Variants in KLF3 observed in about 807,000 individuals in gnomAD.
KLF3 encodes Krueppel-like factor 3.
A neutral mutation model predicts 32.7 loss-of-function variants in KLF3; 6 were observed. The observed-to-expected ratio is 0.18, with a 90% CI of 0.10 to 0.36. KLF3 has a LOEUF of 0.36. Among genes scored for constraint, KLF3 ranks in the 10% least tolerant of loss-of-function variants. The probability of loss-of-function intolerance (pLI) is 1.00; values close to 1 mark genes in which losing one functional copy is unlikely to be tolerated. For synonymous variants in KLF3, 145 were observed against 172.8 expected (o/e 0.84, Z 1.26); for missense variants, 338 against 449.7 (o/e 0.75, Z 2.25).
In KLF3 at chr4:38,689,710, T is replaced by C. The variant is rs1693615744; in HGVS notation, c.545-19T>C. The C allele has an allele frequency of 6.4e-7, 1 of 1,558,396 alleles. No homozygotes were observed. The highest frequency in any genetic ancestry group is 1.4e-5 in the African/African-American group (1 of 72,226). On this transcript the variant is annotated intron_variant, in intron 3 of 5. Transcript: ENST00000261438. ...TGGTAAACTGTACGTGAAGTGACTT[T>C]TCTATTTTTATTTTTTAGTACCTGT...
At chr4:38,693,145 T>TATATATATAC (rs1351793151) in intron 4 of KLF3, among the ~76,000 whole-genome samples, 3 of 143,760 alleles carry the variant, frequency 2.1e-5, no homozygotes, top group Admixed American at 7.1e-5. Flanking sequence ...TATATATGTG[T>TATATATATAC]ATATATATAC....
At chr4:38,693,148 A>G (rs1722935428) in intron 4 of KLF3, among the ~76,000 whole-genome samples, 1 of 145,232 alleles carries the variant, frequency 6.9e-6, no homozygotes, top group Non-Finnish European at 1.5e-5. Context: ...ATATGTGTAT[A>G]TATATACATA....
chr4:38,696,988 A>AT (rs1451851264), intron 5 of KLF3, 94 bp from the exon 6 acceptor site: 1 of 1,041,088 alleles, frequency 9.6e-7, no homozygotes, highest in East Asian at 2.5e-5. Flanking sequence ...ATGTATGAAC[A>AT]TATCTTGGAA....
Position 38,694,753 on chromosome 4 carries a change from C to G in KLF3, c.703C>G (p.Pro235Ala), listed in dbSNP as rs1722999973. 1 of 1,562,930 alleles carries G rather than the reference C, an allele frequency of 6.4e-7. No homozygotes were observed. Among genetic ancestry groups the G allele is most frequent in the Non-Finnish European group, 8.6e-7 (1 of 1,162,982 alleles). Residue 235 changes from proline to alanine, a missense_variant, in exon 5 of 6, where the codon CCT (proline) becomes GCT (alanine). By Grantham distance (27) the Pro-to-Ala change is conservative. This residue lies in a region of KLF3 where 272 missense variants were observed against 313.4 expected (regional missense o/e 0.87). Transcript: ENST00000261438. ...TAACCTTGGCTTTCACAGGAATCAC[C>G]CTTCGGTCATCGTGCAGCCTGGGAA... ...PPQALLQENHPSVIVQPGKRP... is the reference protein window; with the variant it reads ...PPQALLQENHASVIVQPGKRP...
intron 1 of KLF3, among the ~76,000 whole-genome samples, chr4:38,668,435 A>G (rs1291309687): frequency 6.6e-6 from 1 of 152,138 alleles, no homozygotes; most frequent in African/African-American, 2.4e-5. Context: ...AAAATTGATG[A>G]TAATGGTGCG....
At chr4:38,685,032 G>A (rs1025861514) in intron 2 of KLF3, among the ~76,000 whole-genome samples, 4 of 152,146 alleles carry the variant, frequency 2.6e-5, no homozygotes, top group African/African-American at 9.7e-5. Flanking sequence ...CACATTTTTT[G>A]CTTCATCAAC....
intron 2 of KLF3, 76 bp downstream of exon 2, chr4:38,680,758 C>A: frequency 1.6e-6 from 2 of 1,238,794 alleles, no homozygotes; most frequent in Non-Finnish European, 2.4e-6. Context: ...TGAATTATTC[C>A]TTGAAATCAT....
chr4:38,676,129 A>G (rs1722342673), intron 1 of KLF3, among the ~76,000 whole-genome samples: 2 of 152,196 alleles, frequency 1.3e-5, no homozygotes, highest in African/African-American at 4.8e-5. Flanking sequence ...TGTCTTTGTT[A>G]AAAGTTTTGA....
chr4:38,689,246 TC>T (rs35213592), intron 3 of KLF3, among the ~76,000 whole-genome samples, 175 bp downstream of exon 3: 2,106 of 152,208 alleles, frequency 0.014, 44 homozygotes, highest in African/African-American at 0.049. Flanking sequence ...CTGGAAGAGA[TC>T]CCAAGAATCA....
At chr4:38,676,947 T>TGCCA (rs1722370370) in intron 1 of KLF3, among the ~76,000 whole-genome samples, 1 of 145,926 alleles carries the variant, frequency 6.9e-6, no homozygotes, top group African/African-American at 2.6e-5. Context: ...GTTCTGTTAG[T>TGCCA]GCCAGTGTGT....
chr4:38,684,145 C>T (rs1722618599), intron 2 of KLF3, among the ~76,000 whole-genome samples: 1 of 152,186 alleles, frequency 6.6e-6, no homozygotes, highest in Non-Finnish European at 1.5e-5. Context: ...TAATGGAAAG[C>T]TCGCCAAAAC....
chr4:38,666,157 G>A (rs1223198376), intron 1 of KLF3, among the ~76,000 whole-genome samples: 1 of 152,150 alleles, frequency 6.6e-6, no homozygotes. Context: ...GTTCAATGAT[G>A]ATACATTGTA....
chr4:38,665,201 T>C (rs1434879839), intron 1 of KLF3, among the ~76,000 whole-genome samples: 3 of 151,576 alleles, frequency 2.0e-5, no homozygotes, highest in Admixed American at 2.0e-4. Context: ...GTTTGGAGAG[T>C]CTTCCTGGGG....
At position 38,671,499 on chromosome 4, in the gene KLF3, A is replaced by G. The variant is rs1256604864; in HGVS notation, c.-40+7038A>G. On this transcript the variant is annotated intron_variant, in intron 1 of 5. Coordinates refer to ENST00000261438, the MANE Select transcript of KLF3 (RefSeq NM_016531.6). The surrounding 1 kb of genome is among the most constrained non-coding windows in gnomAD (Gnocchi z 4.4). ...TGGAAACTGTCACTAATGTAAACAG[A>G]CTGTCCCCACGTTCTGTCTTCTCCG... 6.6e-6 allele frequency among the ~76,000 whole-genome samples: 1 copy of G among 152,152 alleles called. No homozygotes were observed. Among genetic ancestry groups the G allele is most frequent in the Non-Finnish European group, 1.5e-5 (1 of 68,026 alleles).
intron 1 of KLF3, among the ~76,000 whole-genome samples, chr4:38,668,967 G>T (rs1722118222): frequency 6.6e-6 from 1 of 152,180 alleles, no homozygotes; most frequent in Admixed American, 6.5e-5. Flanking sequence ...TATAAATCAT[G>T]ATTCCTAATT....
At chr4:38,686,816 G>A (rs1722714646) in intron 2 of KLF3, among the ~76,000 whole-genome samples, 1 of 152,202 alleles carries the variant, frequency 6.6e-6, no homozygotes, top group African/African-American at 2.4e-5. Flanking sequence ...GATAAACACA[G>A]TTATGTGATA....
In KLF3 at chr4:38,688,748, C is replaced by A. The variant is rs150818202; in HGVS notation, c.221C>A (p.Ser74Ter). The A allele has an allele frequency of 1.2e-6, 2 of 1,614,072 alleles. No individual in the cohort carries two copies. Among genetic ancestry groups the A allele is most frequent in the African/African-American group, 2.7e-5 (2 of 74,914 alleles). The change falls in exon 3 of 6, where the codon TCG (serine) becomes TAG (stop). Residue 74 changes from serine to a stop codon, truncating the protein, a stop_gained. Coordinates refer to ENST00000261438, the MANE Select transcript of KLF3 (RefSeq NM_016531.6). LOFTEE classifies it high-confidence loss of function. This position sits in a 1 kb window ranked among gnomAD's most constrained non-coding sequence, Gnocchi z 4.9. ...LTVNKRSSPP[S>*]AGNSPSSLKF... ...GTGAACAAGCGGAGTTCACCCCCTT[C>A]GGCTGGGAATTCGCCCTCCTCTCTG...
chr4:38,694,814 G>T lies in KLF3; in HGVS notation c.764G>T (p.Arg255Met). The T allele has an allele frequency of 6.2e-7, 1 of 1,607,496 alleles. No individual in the cohort carries two copies. Among genetic ancestry groups the T allele is most frequent in the Non-Finnish European group, 8.5e-7 (1 of 1,177,828 alleles). ...CCTGTGGAATCCCCGGATACTCAAAGGAAGCGGAGGATACACAGATGTGAT... is the reference window on the plus strand; with the variant it reads ...CCTGTGGAATCCCCGGATACTCAAATGAAGCGGAGGATACACAGATGTGAT... ...PLPVESPDTQRKRRIHRCDYD... is the reference protein window; with the variant it reads ...PLPVESPDTQMKRRIHRCDYD... The change falls in exon 5 of 6, where the codon AGG (arginine) becomes ATG (methionine). Residue 255 changes from arginine (R) to methionine (M), a missense_variant. Arg to Met is a moderately conservative substitution (Grantham distance 91). Transcript: ENST00000261438.
Position 38,671,556 on chromosome 4 carries a change from T to C in KLF3, c.-40+7095T>C, listed in dbSNP as rs564092137. ...AACCTGTTCACAGAAATCACTATCA[T>C]GTACTTACTGTTGGTGGTGTAATGT... On this transcript the variant is annotated intron_variant, in intron 1 of 5. Coordinates refer to ENST00000261438, the MANE Select transcript of KLF3 (RefSeq NM_016531.6). This position sits in a 1 kb window ranked among gnomAD's most constrained non-coding sequence, Gnocchi z 4.4. Among the ~76,000 whole-genome samples, 3 of 152,320 alleles carry C rather than the reference T, an allele frequency of 2.0e-5. No homozygotes were observed. Among genetic ancestry groups the C allele is most frequent in the African/African-American group, 7.2e-5 (3 of 41,560 alleles).
Sources: allele counts gnomAD v4.1 joint callset (sites outside exome capture counted in the v4.1 genomes callset), GRCh38; gene constraint gnomAD v4.1.1; regional missense constraint gnomAD v4.1.1; non-coding constraint Gnocchi (gnomAD v3.1); transcripts MANE v1.5; gene names NCBI Gene and HGNC (gene_info 2026-07-23, HGNC 2026-07-21).